Variants in URI1 observed in about 807,000 individuals in gnomAD.
URI1 encodes unconventional prefoldin RPB5 interactor 1.
In URI1, 39 loss-of-function variants were observed where a neutral mutation model predicts 60.2. That is an observed-to-expected ratio of 0.65 (90% CI 0.50 to 0.85). The LOEUF (loss-of-function observed/expected upper bound fraction) is 0.85. Among genes scored for constraint, URI1 ranks in the 40% least tolerant of loss-of-function variants. URI1 has a pLI of 0.00. For missense variants in URI1, 691 were observed against 665.9 expected, an observed-to-expected ratio of 1.04 and a Z score of -0.42; for synonymous variants, 251 against 236.8, an observed-to-expected ratio of 1.06 and a Z score of -0.55.
At chr19:29,996,306 T>C (rs1471409286) in intron 4 of URI1, among the ~76,000 whole-genome samples, 1 of 152,186 alleles carries the variant, frequency 6.6e-6, no homozygotes, top group African/African-American at 2.4e-5. Context: ...AGTGTGCAAG[T>C]CTTGCACCTT....
chr19:29,986,783 C>T (rs891646687), intron 4 of URI1, among the ~76,000 whole-genome samples: 2 of 152,072 alleles, frequency 1.3e-5, no homozygotes, highest in Non-Finnish European at 2.9e-5. Context: ...CTTTAGTACA[C>T]AGAAATAATG....
chr19:29,979,664 G>A (rs1489924524), intron 2 of URI1, among the ~76,000 whole-genome samples: 1 of 152,078 alleles, frequency 6.6e-6, no homozygotes, highest in African/African-American at 2.4e-5. Context: ...GTTTTTATAT[G>A]CGGGTTAATC....
intron 1 of URI1, among the ~76,000 whole-genome samples, chr19:29,960,004 C>T (rs1400272815): frequency 3.9e-5 from 6 of 152,082 alleles, no homozygotes; most frequent in Non-Finnish European, 8.8e-5. Context: ...AGGTACTGCA[C>T]ACATTTTGTA....
chr19:29,986,471 A>T, intron 4 of URI1, 54 bp downstream of exon 4: 1 of 1,565,300 alleles, frequency 6.4e-7, no homozygotes, highest in Non-Finnish European at 8.6e-7. Flanking sequence ...CCATTCACAG[A>T]TTGCCAAGCT....
chr19:29,937,710 T>C (rs2054985585), upstream of URI1: 1 of 152,188 alleles, frequency 6.6e-6, no homozygotes, highest in South Asian at 2.1e-4. Context: ...TACTTTCAAA[T>C]CTCCTGATGG....
intron 6 of URI1, 139 bp downstream of exon 6, chr19:30,005,847 A>T (rs1028186365): frequency 1.4e-6 from 1 of 710,402 alleles, no homozygotes; most frequent in Non-Finnish European, 2.2e-6. Flanking sequence ...CTACTCATTG[A>T]TTTTTTTTTA....
At chr19:29,965,270 G>A (rs2055378461) in intron 1 of URI1, among the ~76,000 whole-genome samples, 1 of 152,156 alleles carries the variant, frequency 6.6e-6, no homozygotes, top group South Asian at 2.1e-4. Context: ...GCTACAGACG[G>A]AGAAATGGGA....
chr19:30,009,278 C>T lies in URI1; in HGVS notation c.960C>T (p.Asn320=), dbSNP rs548014079. The change falls in exon 8 of 11, where the codon AAC becomes AAT. Residue 320 remains asparagine (N), a synonymous_variant. Transcript: ENST00000392271. ...DDNIDDDDGD[N]DHEALGVGDN... Reference sequence around the variant, plus strand: ...ACATTGACGACGATGATGGTGATAACGACCATGAGGCTTTAGGGGTTGGAG... The same window carrying T: ...ACATTGACGACGATGATGGTGATAATGACCATGAGGCTTTAGGGGTTGGAG... 3.4e-5 allele frequency: 55 copies of T among 1,613,978 alleles called. No homozygotes were observed. Among genetic ancestry groups the T allele is most frequent in the South Asian group, 6.6e-5 (6 of 91,078 alleles).
At chr19:29,987,398 T>C (rs1014179002) in intron 4 of URI1, among the ~76,000 whole-genome samples, 2 of 152,218 alleles carry the variant, frequency 1.3e-5, no homozygotes, top group African/African-American at 4.8e-5. Context: ...AATCAACTCC[T>C]ATAAGTTTAT....
intron 6 of URI1, 146 bp from the exon 7 acceptor site, chr19:30,007,324 C>G (rs2055956184): frequency 2.4e-6 from 2 of 833,354 alleles, no homozygotes; most frequent in Middle Eastern, 3.7e-4. Flanking sequence ...AAGAGACATT[C>G]ATCCTTGGAG....
intron 1 of URI1, among the ~76,000 whole-genome samples, chr19:29,953,712 G>T (rs768706497): frequency 5.3e-5 from 8 of 149,940 alleles, no homozygotes; most frequent in Non-Finnish European, 1.0e-4. Flanking sequence ...TTAGAGCGTA[G>T]TTAGGAATAG....
At chr19:29,943,932 C>T (rs1476569189) in intron 1 of URI1, among the ~76,000 whole-genome samples, 1 of 150,866 alleles carries the variant, frequency 6.6e-6, no homozygotes, top group Non-Finnish European at 1.5e-5. Flanking sequence ...CCAAGGAGTT[C>T]GAGATCAGCC....
intron 4 of URI1, among the ~76,000 whole-genome samples, chr19:29,995,813 A>C (rs1388953089): frequency 6.6e-6 from 1 of 151,294 alleles, no homozygotes; most frequent in African/African-American, 2.4e-5. Flanking sequence ...GTCCAACTTT[A>C]TTCTTTTGCA....
At chr19:29,976,841 A>G (rs1170586986) in intron 2 of URI1, among the ~76,000 whole-genome samples, 3 of 152,218 alleles carry the variant, frequency 2.0e-5, no homozygotes, top group Non-Finnish European at 4.4e-5. Flanking sequence ...ATTACATGAA[A>G]CAGACTTAAA....
chr19:29,993,175 A>G (rs1192209493), intron 4 of URI1, among the ~76,000 whole-genome samples: 1 of 152,190 alleles, frequency 6.6e-6, no homozygotes, highest in Non-Finnish European at 1.5e-5. Flanking sequence ...GGATAAGAGC[A>G]TGAACTAGGG....
upstream of URI1, chr19:29,937,971 T>C (rs1309090115): frequency 6.6e-6 from 1 of 152,214 alleles, no homozygotes; most frequent in Non-Finnish European, 1.5e-5. Context: ...TCTTTTTTCA[T>C]CAAGAACTCC....
chr19:29,956,862 C>T (rs2145275181), intron 1 of URI1: 6 of 1,530,056 alleles, frequency 3.9e-6, no homozygotes, highest in African/African-American at 1.4e-5. Context: ...CTGAGTTCTA[C>T]GTTGATGTGA....
intron 1 of URI1, among the ~76,000 whole-genome samples, chr19:29,953,749 A>G (rs1194727838): frequency 2.6e-5 from 4 of 151,566 alleles, no homozygotes; most frequent in Non-Finnish European, 2.9e-5. Context: ...TACTAAGGTG[A>G]TGATGAAATG....
chr19:29,944,187 A>ATATATATG, intron 1 of URI1, among the ~76,000 whole-genome samples: 1 of 111,814 alleles, frequency 8.9e-6, no homozygotes, highest in Non-Finnish European at 1.8e-5. Flanking sequence ...ATATATATAT[A>ATATATATG]TATATAAAAC....
Sources: gnomAD v4.1 joint callset for allele counts (sites outside exome capture counted in the v4.1 genomes callset) on GRCh38, gnomAD v4.1.1 for gene constraint, MANE v1.5 for transcripts, NCBI Gene and HGNC (gene_info 2026-07-23, HGNC 2026-07-21) for gene names.